Variants in TICRR observed in about 807,000 individuals in gnomAD.
TICRR encodes the protein TOPBP1 interacting checkpoint and replication regulator.
Under a neutral mutation model 178.1 loss-of-function variants are expected in TICRR, and 132 were observed. That is an observed-to-expected ratio of 0.74 (90% CI 0.64 to 0.86). The LOEUF (loss-of-function observed/expected upper bound fraction) is 0.86. Ranked by LOEUF, TICRR falls within the 40% of genes least tolerant of loss-of-function variation. The pLI is 0.00. For missense variants in TICRR, 2,587 were observed against 2,334.3 expected (o/e 1.11, Z -2.23); for synonymous variants, 991 against 900.7 (o/e 1.10, Z -1.79).
In TICRR at chr15:89,625,442, G is replaced by T; in HGVS notation, c.5132G>T (p.Gly1711Val). The T allele has an allele frequency of 6.2e-7, 1 of 1,613,922 alleles. No individual in the cohort carries two copies. Among genetic ancestry groups the T allele is most frequent in the South Asian group, 1.1e-5 (1 of 91,086 alleles). ...GGCGAGGTCGGTGCAGACCTTCCTG[G>T]GAGCCTGTCACTGCTTGAGTCAGAG... ...GRGEVGADLP[G>V]SLSLLESEGK... Residue 1711 changes from glycine to valine, a missense_variant, in exon 20 of 22, where the codon GGG becomes GTG. Physicochemically the swap from Gly to Val is moderately radical, Grantham distance 109. Coordinates refer to ENST00000268138, the MANE Select transcript of TICRR (RefSeq NM_152259.4).
At chr15:89,602,666 C>A in intron 12 of TICRR, 130 bp from the exon 13 acceptor site, 1 of 460,784 alleles carries the variant, frequency 2.2e-6, no homozygotes, top group Non-Finnish European at 3.6e-6. Context: ...TTATTATAAA[C>A]CCAGAACAAC....
chr15:89,604,552 A>G (rs1963146112), intron 13 of TICRR, among the ~76,000 whole-genome samples: 2 of 152,194 alleles, frequency 1.3e-5, no homozygotes. Flanking sequence ...GGCAGGAGGA[A>G]TCACTTGAGC....
At chr15:89,576,912 T>C (rs1488032228) in intron 1 of TICRR, among the ~76,000 whole-genome samples, 1 of 148,988 alleles carries the variant, frequency 6.7e-6, no homozygotes, top group East Asian at 1.9e-4. Context: ...TATATATTTA[T>C]TTATTATTAT....
intron 14 of TICRR, among the ~76,000 whole-genome samples, chr15:89,607,505 T>C (rs909768568): frequency 1.3e-5 from 2 of 152,148 alleles, no homozygotes; most frequent in Admixed American, 6.5e-5. Flanking sequence ...AATTAAGCTT[T>C]TCAAAACATT....
chr15:89,621,550 G>C lies in TICRR; in HGVS notation c.3312G>C (p.Gln1104His). Residue 1104 changes from glutamine (Q) to histidine (H), a missense_variant and splice_region_variant, in exon 19 of 22, where the codon CAG becomes CAC. By Grantham distance (24) the Gln-to-His change is conservative (BLOSUM62 0). Coordinates refer to ENST00000268138, the MANE Select transcript of TICRR (RefSeq NM_152259.4). ...ATTCGGAGGTACCTGCAGCTTACCA[G>C]GTATAATGTTTCTGTAATGTTTGAA... ...TLDSEVPAAY[Q>H]TPKKSHQKSL... The C allele has an allele frequency of 6.2e-7, 1 of 1,606,032 alleles. No homozygotes were observed. Among genetic ancestry groups the C allele is most frequent in the Non-Finnish European group, 8.5e-7 (1 of 1,177,754 alleles).
At position 89,624,523 on chromosome 15, in the gene TICRR, ACTC is replaced by A; in HGVS notation, c.4216_4218del (p.Pro1406del). The A allele has an allele frequency of 6.2e-7, 1 of 1,613,802 alleles. No homozygotes were observed. The highest frequency in any genetic ancestry group is 8.5e-7 in the Non-Finnish European group (1 of 1,179,954). On this transcript the variant is annotated inframe_deletion, in exon 20 of 22. Coordinates refer to ENST00000268138, the MANE Select transcript of TICRR (RefSeq NM_152259.4). ...GGAGTGTCAGCCTGATGCCTCCGCT[ACTC>A]CTGGGGTTGGCACAGCTGACAGCCC...
intron 15 of TICRR, among the ~76,000 whole-genome samples, chr15:89,615,339 T>A (rs893635842): frequency 2.0e-5 from 3 of 152,140 alleles, no homozygotes; most frequent in African/African-American, 7.2e-5. Context: ...TTGGAGGAGC[T>A]CCAACCCCAT....
chr15:89,624,960 C>T lies in TICRR; in HGVS notation c.4650C>T (p.Ser1550=), dbSNP rs148263440. The part of the protein sequence containing the change: ...LDNLPASAWH[S]TDSASPQTYE... ...ACCTGCCAGCATCAGCTTGGCATTC[C>T]ACAGACTCTGCCAGCCCACAGACCT... Residue 1550 remains serine (S), a synonymous_variant, in exon 20 of 22, where the codon TCC becomes TCT. Transcript: ENST00000268138. The T allele has an allele frequency of 3.4e-4, 550 of 1,614,104 alleles. 5 individuals are homozygous for T. The Middle Eastern group carries it at 0.013, about 37-fold the overall frequency.
Position 89,598,555 on chromosome 15 carries a change from G to A in TICRR, c.1901-769G>A, listed in dbSNP as rs1347912274. 2.0e-4 allele frequency among the ~76,000 whole-genome samples: 31 copies of A among 151,842 alleles called. 1 individual carries two copies. Among genetic ancestry groups the A allele is most frequent in the Admixed American group, 2.0e-3 (31 of 15,256 alleles). Reference sequence around the variant, plus strand: ...TTTTTGGTATTTTTAGTAGAGAAGAGGTTTCACCATGTTGGCCAGGCTGGT... The same window carrying A: ...TTTTTGGTATTTTTAGTAGAGAAGAAGTTTCACCATGTTGGCCAGGCTGGT... On this transcript the variant is annotated intron_variant, in intron 7 of 21. Coordinates refer to ENST00000268138, the MANE Select transcript of TICRR (RefSeq NM_152259.4).
chr15:89,580,565 AGATT>A (rs2141951194), intron 1 of TICRR, among the ~76,000 whole-genome samples: 1 of 152,350 alleles, frequency 6.6e-6, no homozygotes, highest in East Asian at 1.9e-4. Context: ...AGCATTTTCC[AGATT>A]GATATTCATG....
At chr15:89,612,570 C>G (rs577943874) in intron 15 of TICRR, among the ~76,000 whole-genome samples, 2 of 152,274 alleles carry the variant, frequency 1.3e-5, no homozygotes, top group South Asian at 4.1e-4. Context: ...GCACATCATT[C>G]CCTTCCTAAA....
At chr15:89,592,415 G>T (rs1172772532) in intron 5 of TICRR, among the ~76,000 whole-genome samples, 1 of 151,880 alleles carries the variant, frequency 6.6e-6, no homozygotes, top group Non-Finnish European at 1.5e-5. Flanking sequence ...AAAGTAATTC[G>T]TCAAGTTAAA....
At chr15:89,593,903 A>G (rs1270299811) in intron 5 of TICRR, among the ~76,000 whole-genome samples, 1 of 152,196 alleles carries the variant, frequency 6.6e-6, no homozygotes, top group Non-Finnish European at 1.5e-5. Context: ...TTCCTTAATG[A>G]CAGATATTTA....
At chr15:89,602,918 G>C in intron 13 of TICRR, 26 bp downstream of exon 13, 1 of 1,320,562 alleles carries the variant, frequency 7.6e-7, no homozygotes, top group Non-Finnish European at 1.0e-6. Flanking sequence ...AGCTTGAGAT[G>C]ACACAGTAAA....
At position 89,595,564 on chromosome 15, in the gene TICRR, A is replaced by G; in HGVS notation, c.1853A>G (p.Asp618Gly). ...IQKIPSGRTVDKLEDRGRTLR... is the reference protein window; with the variant it reads ...IQKIPSGRTVGKLEDRGRTLR... ...AAGATACCTAGTGGGAGAACAGTGG[A>G]TAAATTGGAAGACAGAGGAAGAACA... is the stretch of plus-strand genomic sequence containing the variant. The change falls in exon 7 of 22, where the codon GAT becomes GGT. Residue 618 changes from aspartate (D) to glycine (G), a missense_variant. By Grantham distance (94) the Asp-to-Gly change is moderately conservative (BLOSUM62 -1). Coordinates refer to ENST00000268138, the MANE Select transcript of TICRR (RefSeq NM_152259.4). 6.2e-7 allele frequency: 1 copy of G among 1,614,196 alleles called. No homozygotes were observed. Among genetic ancestry groups the G allele is most frequent in the Non-Finnish European group, 8.5e-7 (1 of 1,180,036 alleles).
In TICRR at chr15:89,599,430, A is replaced by C; in HGVS notation, c.2007A>C (p.Ser669=). 1 of 1,613,828 alleles carries C rather than the reference A, an allele frequency of 6.2e-7. No individual in the cohort carries two copies. Among genetic ancestry groups the C allele is most frequent in the Non-Finnish European group, 8.5e-7 (1 of 1,179,924 alleles). Residue 669 remains serine, a synonymous_variant, in exon 8 of 22, where the codon TCA becomes TCC. Transcript: ENST00000268138. ...ATGCATGTGCTCGAAACATGATCTCAACCGTTAAAATGTTCCTAAAATCAA... is the reference window on the plus strand; with the variant it reads ...ATGCATGTGCTCGAAACATGATCTCCACCGTTAAAATGTTCCTAAAATCAA... ...MLYACARNMI[S]TVKMFLKSKG... is the part of the protein sequence containing the mutation.
intron 9 of TICRR, 34 bp from the exon 10 acceptor site, chr15:89,601,264 A>G (rs371934413): frequency 6.3e-7 from 1 of 1,595,920 alleles, no homozygotes. Flanking sequence ...GTGACATCCA[A>G]AGTAGATATG....
rs1318686703 is a variant in TICRR, at chr15:89,627,334, A to G, written c.*248A>G. ...GGTGCTATAACTCAGGCAGCCTGGG[A>G]GTCAGGAACCCAGACAAGGAATCCC... On this transcript the variant is annotated 3_prime_UTR_variant, in exon 22 of 22. Transcript: ENST00000268138. 2 of 453,222 alleles carry G rather than the reference A, an allele frequency of 4.4e-6. No individual in the cohort carries two copies. The highest frequency in any genetic ancestry group is 3.9e-6 in the Non-Finnish European group (1 of 256,900). 28.1% of individuals were successfully genotyped at this position (453,222 alleles called of 1,614,324 possible). A position where few individuals can be genotyped will look rare whatever the true frequency, so the allele number is the denominator to read the frequency against.
rs117033606 is a variant in TICRR, at chr15:89,586,551, G to A, written c.1411+609G>A. Among the ~76,000 whole-genome samples, 576 of 152,194 alleles carry A rather than the reference G, an allele frequency of 3.8e-3. 2 individuals carry two copies. Among genetic ancestry groups the A allele is most frequent in the Non-Finnish European group, 5.9e-3 (398 of 68,016 alleles). ...CAAAACAATAAGTCAGGAAAATTAC[G>A]GTTTAGTCTAAAGAGACAAAAATTG... On this transcript the variant is annotated intron_variant, in intron 4 of 21. Transcript: ENST00000268138.
Sources: allele counts gnomAD v4.1 joint callset (sites outside exome capture counted in the v4.1 genomes callset), GRCh38; gene constraint gnomAD v4.1.1; transcripts MANE v1.5; gene names NCBI Gene and HGNC (gene_info 2026-07-23, HGNC 2026-07-21).